HEATR6: variants seen among roughly 807,000 people sequenced by gnomAD.
HEATR6 encodes HEAT repeat containing 6.
In HEATR6, 106 loss-of-function variants were observed where a neutral mutation model predicts 132.8. That is an observed-to-expected ratio of 0.80 (90% confidence interval 0.68 to 0.94). HEATR6 has a LOEUF of 0.94. HEATR6 is among the 40% of genes least tolerant of loss of function. HEATR6 has a pLI of 0.00. For synonymous variants in HEATR6, 529 were observed against 537.8 expected (o/e 0.98, Z 0.23); for missense variants, 1,339 against 1,425.1 (o/e 0.94, Z 0.97).
Position 60,060,112 on chromosome 17 carries a change from G to A in HEATR6, c.1417-16C>T. On this transcript the variant is annotated splice_polypyrimidine_tract_variant and intron_variant, in intron 9 of 19. Transcript: ENST00000184956. The stretch of plus-strand genomic sequence containing the variant: ...AGGCACGTGTCTGAAATTTCGGGAT[G>A]ATTCACATTGATTAGTTGAAAATTA... The A allele has an allele frequency of 6.4e-7, 1 of 1,570,724 alleles. No homozygotes were observed. Among genetic ancestry groups the A allele is most frequent in the Non-Finnish European group, 8.8e-7 (1 of 1,141,254 alleles).
At chr17:60,057,532 C>T in intron 11 of HEATR6, 129 bp from the exon 12 acceptor site, 1 of 611,106 alleles carries the variant, frequency 1.6e-6, no homozygotes, top group Non-Finnish European at 2.8e-6. Context: ...TTCTAGACCT[C>T]ATTTCCAGTT....
intron 13 of HEATR6, 100 bp downstream of exon 13, chr17:60,056,015 G>T (rs920781207): frequency 7.6e-7 from 1 of 1,317,958 alleles, no homozygotes; most frequent in African/African-American, 1.5e-5. Flanking sequence ...ACATGTGGCA[G>T]AAGAATATAA....
At position 60,070,729 on chromosome 17, in the gene HEATR6, C is replaced by T. The variant is rs115170565; in HGVS notation, c.778G>A (p.Gly260Arg). The T allele has an allele frequency of 1.9e-5, 31 of 1,604,294 alleles. No individual in the cohort carries two copies. The East Asian group carries it at 6.9e-4, about 36-fold the overall frequency. Residue 260 changes from glycine to arginine, a missense_variant, in exon 6 of 20, where the codon GGA becomes AGA. Transcript: ENST00000184956. ...ACCTTTAGCACAGCTAAAAGTGCTCCAAGTTCATCAGTCTGTGTTAGTTTC... is the reference window on the plus strand; with the variant it reads ...ACCTTTAGCACAGCTAAAAGTGCTCTAAGTTCATCAGTCTGTGTTAGTTTC... The part of the protein sequence containing the change: ...RMKLTQTDEL[G>R]ALLAVLKKFM...
chr17:60,077,326 C>T (rs973252210), intron 1 of HEATR6, among the ~76,000 whole-genome samples: 6 of 152,020 alleles, frequency 3.9e-5, no homozygotes, highest in African/African-American at 1.5e-4. Flanking sequence ...TATGCAAAAA[C>T]CTGGAGGTGT....
intron 16 of HEATR6, among the ~76,000 whole-genome samples, chr17:60,049,172 A>C (rs1021317118): frequency 7.0e-6 from 1 of 143,172 alleles, no homozygotes; most frequent in African/African-American, 2.8e-5. Flanking sequence ...TCTGCCACCC[A>C]GGCTGGAGTG....
Position 60,059,931 on chromosome 17 carries a change from C to G in HEATR6, c.1582G>C (p.Val528Leu), listed in dbSNP as rs1182407363. Residue 528 changes from valine to leucine, a missense_variant, in exon 10 of 20, where the codon GTG (valine) becomes CTG (leucine). Coordinates refer to ENST00000184956, the MANE Select transcript of HEATR6 (RefSeq NM_022070.5). ...ACGGTCTGTGAGGATGACTCCGCCA[C>G]CAAAGCTAACAAAAGACATCTGTGC... The part of the protein sequence containing the change: ...ELHRCLLLAL[V>L]AESSSQTVTQ... 2 of 1,613,700 alleles carry G rather than the reference C, an allele frequency of 1.2e-6. No individual in the cohort carries two copies. Among genetic ancestry groups the G allele is most frequent in the African/African-American group, 2.7e-5 (2 of 74,904 alleles).
chr17:60,050,959 T>C lies in HEATR6; in HGVS notation c.2308A>G (p.Met770Val), dbSNP rs769604321. 5 of 1,614,056 alleles carry C rather than the reference T, an allele frequency of 3.1e-6. No homozygotes were observed. The highest frequency in any genetic ancestry group is 1.7e-5 in the Admixed American group (1 of 60,000). The stretch of plus-strand genomic sequence containing the variant: ...CTGGGTAAAGGACCGTTCAGCATCA[T>C]AGTCCAGAACATCACCACCTGGAAC... ...PVFLVVMFWT[M>V]MLNGPLPRAL... The change falls in exon 15 of 20, where the codon ATG becomes GTG. Residue 770 changes from methionine (M) to valine (V), a missense_variant. Met to Val is a conservative substitution (Grantham distance 21). Coordinates refer to ENST00000184956, the MANE Select transcript of HEATR6 (RefSeq NM_022070.5).
Position 60,055,551 on chromosome 17 carries a change from G to A in HEATR6, c.2253C>T (p.Ser751=). ...GTGCTCTCTGATCAGGTGCTGCAGT[G>A]GAGTCTGGTTTATACTGCTGTATTA... The part of the protein sequence containing the change: ...TGLIQQYKPD[S]TAAPDQRAPV... Residue 751 remains serine (S), a synonymous_variant, in exon 14 of 20, where the codon TCC becomes TCT. Coordinates refer to ENST00000184956, the MANE Select transcript of HEATR6 (RefSeq NM_022070.5). 1 of 1,613,372 alleles carries A rather than the reference G, an allele frequency of 6.2e-7. No individual in the cohort carries two copies. Among genetic ancestry groups the A allele is most frequent in the Non-Finnish European group, 8.5e-7 (1 of 1,179,646 alleles).
At chr17:60,045,143 C>T (rs1168092735) in intron 19 of HEATR6, among the ~76,000 whole-genome samples, 1 of 152,156 alleles carries the variant, frequency 6.6e-6, no homozygotes, top group East Asian at 1.9e-4. Context: ...CTTCTTGGCT[C>T]TCCAGAAGGC....
At chr17:60,077,769 C>T (rs1463588163) in intron 1 of HEATR6, among the ~76,000 whole-genome samples, 4 of 152,154 alleles carry the variant, frequency 2.6e-5, no homozygotes, top group Non-Finnish European at 5.9e-5. Context: ...AGACAGGAGG[C>T]AGGAGATCAG....
At chr17:60,048,215 G>T in intron 17 of HEATR6, 49 bp downstream of exon 17, 2 of 1,588,542 alleles carry the variant, frequency 1.3e-6, no homozygotes, top group South Asian at 2.3e-5. Flanking sequence ...CATTCTCTTG[G>T]GCCCTCAATC....
chr17:60,072,208 C>T lies in HEATR6; in HGVS notation c.699+7G>A, dbSNP rs765883874. 3 of 1,449,974 alleles carry T rather than the reference C, an allele frequency of 2.1e-6. No individual in the cohort carries two copies. The highest frequency in any genetic ancestry group is 2.9e-6 in the Non-Finnish European group (3 of 1,037,272). 89.8% of individuals were successfully genotyped at this position (1,449,974 alleles called of 1,614,324 possible). On this transcript the variant is annotated splice_region_variant and intron_variant, in intron 5 of 19. Transcript: ENST00000184956. ...AACATTCACTACGTCAATGATAGTCCACTTACCATGCAAAATGTGATATCA... is the reference window on the plus strand; with the variant it reads ...AACATTCACTACGTCAATGATAGTCTACTTACCATGCAAAATGTGATATCA...
At chr17:60,060,187 C>T (rs899892728) in intron 9 of HEATR6, 91 bp from the exon 10 acceptor site, 1 of 892,740 alleles carries the variant, frequency 1.1e-6, no homozygotes, top group Non-Finnish European at 1.8e-6. Flanking sequence ...AAAGTATTTA[C>T]AATCATTTTA....
chr17:60,044,705 A>T (rs1009751722), intron 19 of HEATR6, among the ~76,000 whole-genome samples: 1 of 152,156 alleles, frequency 6.6e-6, no homozygotes, highest in African/African-American at 2.4e-5. Flanking sequence ...TTTCCTCCTT[A>T]CCAGAGCTAC....
chr17:60,070,690 T>C lies in HEATR6; in HGVS notation c.801+16A>G. On this transcript the variant is annotated intron_variant, in intron 6 of 19. Transcript: ENST00000184956. ...TGAAACAGGAAAGACAATGATCATA[T>C]GAAGACTTGCCTTACCTTTAGCACA... 1 of 1,422,856 alleles carries C rather than the reference T, an allele frequency of 7.0e-7. No individual in the cohort carries two copies. The highest frequency in any genetic ancestry group is 9.9e-7 in the Non-Finnish European group (1 of 1,005,636). 88.1% of individuals were successfully genotyped at this position (1,422,856 alleles called of 1,614,324 possible).
At chr17:60,051,679 A>C (rs1000261105) in intron 14 of HEATR6, among the ~76,000 whole-genome samples, 5 of 152,132 alleles carry the variant, frequency 3.3e-5, no homozygotes, top group Non-Finnish European at 7.4e-5. Flanking sequence ...CTTTATACAT[A>C]TCCTGTGATT....
intron 9 of HEATR6, 101 bp downstream of exon 9, chr17:60,066,108 T>G (rs2083238985): frequency 9.8e-7 from 1 of 1,019,934 alleles, no homozygotes; most frequent in African/African-American, 1.6e-5. Context: ...TCAGTGTTAC[T>G]AAGAGCTATA....
intron 7 of HEATR6, 112 bp from the exon 8 acceptor site, chr17:60,067,844 TAAAG>T: frequency 2.3e-6 from 2 of 857,288 alleles, no homozygotes; most frequent in Admixed American, 3.1e-5. Flanking sequence ...ACATGTAGTT[TAAAG>T]AAAGAAGAAA....
At chr17:60,060,957 G>T (rs1298352705) in intron 9 of HEATR6, among the ~76,000 whole-genome samples, 1 of 152,182 alleles carries the variant, frequency 6.6e-6, no homozygotes, top group African/African-American at 2.4e-5. Context: ...TTATAAGGTT[G>T]AAAGATTACT....
Sources: allele counts gnomAD v4.1 joint callset (sites outside exome capture counted in the v4.1 genomes callset), GRCh38; gene constraint gnomAD v4.1.1; transcripts MANE v1.5; gene names NCBI Gene and HGNC (gene_info 2026-07-23, HGNC 2026-07-21).